Variants in PDE4C observed in about 807,000 individuals in gnomAD.
PDE4C encodes phosphodiesterase 4C, also known as 3',5'-cyclic-AMP phosphodiesterase 4C.
Under a neutral mutation model 63.9 loss-of-function variants are expected in PDE4C, and 50 were observed. That is an observed-to-expected ratio of 0.78 (90% confidence interval 0.62 to 0.99). The LOEUF (loss-of-function observed/expected upper bound fraction) is 0.99, where lower values mean the gene tolerates loss of function less well. PDE4C is among the 50% of genes least tolerant of loss of function. The pLI is 0.00. For missense variants in PDE4C, 777 were observed against 899.1 expected, an observed-to-expected ratio of 0.86 and a Z score of 1.74; for synonymous variants, 377 against 385.1, an observed-to-expected ratio of 0.98 and a Z score of 0.25.
Position 18,220,940 on chromosome 19 carries a change from T to A in PDE4C, c.450-17A>T. The A allele has an allele frequency of 6.3e-7, 1 of 1,596,326 alleles. No homozygotes were observed. Among genetic ancestry groups the A allele is most frequent in the Non-Finnish European group, 8.5e-7 (1 of 1,173,020 alleles). ...GGTCCCTGCCTGCGGTACAGCAGCCTCAGGCGTGGCTGCTCCGCCCATCTC... is the reference window on the plus strand; with the variant it reads ...GGTCCCTGCCTGCGGTACAGCAGCCACAGGCGTGGCTGCTCCGCCCATCTC... On this transcript the variant is annotated splice_polypyrimidine_tract_variant and intron_variant, in intron 4 of 14. Transcript: ENST00000262805. This position sits in a 1 kb window ranked among gnomAD's most constrained non-coding sequence, Gnocchi z 5.1.
intron 1 of PDE4C, among the ~76,000 whole-genome samples, chr19:18,240,736 T>A (rs1220346567): frequency 3.3e-5 from 5 of 151,144 alleles, no homozygotes; most frequent in South Asian, 2.1e-4. Context: ...CAAAAAAAAA[T>A]GGGGAAACTG....
At chr19:18,234,971 G>A (rs1468644738), upstream of PDE4C, among the ~76,000 whole-genome samples, 1 of 152,144 alleles carries the variant, frequency 6.6e-6, no homozygotes, top group Non-Finnish European at 1.5e-5. Flanking sequence ...ATGGTCACTG[G>A]CTGGCTCTGT....
At chr19:18,214,748 A>G (rs1363974853) in intron 12 of PDE4C, among the ~76,000 whole-genome samples, 2 of 152,084 alleles carry the variant, frequency 1.3e-5, no homozygotes, top group African/African-American at 4.8e-5. Context: ...CAGAAGTTCA[A>G]GACCAGCATG....
rs137904491 is a variant in PDE4C, at chr19:18,248,056, C to T, written c.-210+115G>A. 412 of 394,452 alleles carry T rather than the reference C, an allele frequency of 1.0e-3. 2 individuals carry two copies. Among genetic ancestry groups the T allele is most frequent in the African/African-American group, 7.8e-3 (379 of 48,336 alleles). The allele number at this position is 394,452 out of a possible 1,614,324, so 24.4% of individuals were successfully genotyped here. A position where few individuals can be genotyped will look rare whatever the true frequency, so the allele number is the denominator to read the frequency against. ...GACACATGGGAGACCCATTCAGCTC[C>T]CAGAGTGGCTCTGATGGTTTCAGGG... On this transcript the variant is annotated intron_variant, in intron 1 of 15. Coordinates refer to the PDE4C transcript ENST00000594617.
intron 12 of PDE4C, among the ~76,000 whole-genome samples, chr19:18,215,142 C>T (rs2148010092): frequency 6.6e-6 from 1 of 152,220 alleles, no homozygotes; most frequent in Middle Eastern, 3.4e-3. Flanking sequence ...CTCCACCTCA[C>T]CAAACGTTTA....
chr19:18,248,442 G>A (rs1428801151), upstream of PDE4C, among the ~76,000 whole-genome samples: 1 of 151,048 alleles, frequency 6.6e-6, no homozygotes, highest in African/African-American at 2.4e-5. Flanking sequence ...GGGGCGGGGA[G>A]GGCAGAGGAA....
chr19:18,218,152 T>A, exon 11 of PDE4C: 2 of 1,612,134 alleles, frequency 1.2e-6, no homozygotes, highest in Middle Eastern at 1.7e-4. Flanking sequence ...TACTTACTGG[T>A]GTTAATCAGA....
At position 18,218,389 on chromosome 19, in the gene PDE4C, T is replaced by C. The variant is rs1968301592; in HGVS notation, c.1079A>G (p.His360Arg). The C allele has an allele frequency of 4.3e-6, 7 of 1,614,138 alleles. No individual in the cohort carries two copies. In the South Asian group the frequency reaches 5.5e-5, roughly 13 times the overall value. The stretch of plus-strand genomic sequence containing the variant: ...CGTGGACTGGGCCACGTCGGCGGCA[T>C]GTAGGCTGTTGTGGTAGGCCACATT... The change falls in exon 10 of 15, where the codon CAT becomes CGT. Residue 360 changes from histidine (H) to arginine (R), a missense_variant. Physicochemically the swap from His to Arg is conservative, Grantham distance 29 (BLOSUM62 0). This residue lies in a region of PDE4C where 500 missense variants were observed against 597.8 expected (regional missense o/e 0.84). Coordinates refer to ENST00000262805, the Ensembl canonical transcript of PDE4C.
intron 1 of PDE4C, among the ~76,000 whole-genome samples, chr19:18,241,501 T>G (rs550809958): frequency 6.6e-6 from 1 of 152,138 alleles, no homozygotes; most frequent in South Asian, 2.1e-4. Flanking sequence ...TCTCCTGACC[T>G]CATGATCTGC....
chr19:18,211,157 C>A, exon 15 of PDE4C: 3 of 1,614,184 alleles, frequency 1.9e-6, no homozygotes, highest in Non-Finnish European at 2.5e-6. Context: ...TTCGGGGGAT[C>A]TTGCTCTGGT....
chr19:18,217,754 A>G (rs1037664465), intron 11 of PDE4C, among the ~76,000 whole-genome samples: 5 of 151,930 alleles, frequency 3.3e-5, no homozygotes, highest in Admixed American at 2.0e-4. Context: ...AAAATTAGCC[A>G]GGCATGGTAG....
At chr19:18,236,710 TG>T (rs1402111994), upstream of PDE4C, 1 of 152,258 alleles carries the variant, frequency 6.6e-6, no homozygotes. Flanking sequence ...CATGGCTGTG[TG>T]CCCACTGTGT....
chr19:18,250,390 G>C (rs75728713), upstream of PDE4C: 9,099 of 399,046 alleles, frequency 0.023, 710 homozygotes, highest in African/African-American at 0.16. Context: ...CAGACCCGAT[G>C]AGCAAAAGAG....
chr19:18,218,999 T>G, exon 9 of PDE4C: 2 of 1,613,658 alleles, frequency 1.2e-6, no homozygotes, highest in Non-Finnish European at 1.7e-6. Context: ...TCCGCCACCT[T>G]GAACACATCA....
chr19:18,252,052 C>CT, upstream of PDE4C: 1 of 398,810 alleles, frequency 2.5e-6, no homozygotes, highest in Non-Finnish European at 4.4e-6. Context: ...ACCCAAATCT[C>CT]TTAATACTCA....
intron 1 of PDE4C, among the ~76,000 whole-genome samples, chr19:18,225,942 G>A (rs1345955017): frequency 2.0e-5 from 3 of 152,230 alleles, no homozygotes; most frequent in Non-Finnish European, 4.4e-5. Flanking sequence ...AGGCCGGCGA[G>A]GGTCAGGAGG....
chr19:18,215,619 A>T (rs1267717783), intron 12 of PDE4C, among the ~76,000 whole-genome samples: 2 of 151,542 alleles, frequency 1.3e-5, no homozygotes, highest in African/African-American at 2.4e-5. Context: ...GGTTCAAATG[A>T]TTCTCCTGAC....
intron 14 of PDE4C, 136 bp from the exon 15 acceptor site, chr19:18,211,412 A>C: frequency 1.3e-6 from 1 of 761,168 alleles, no homozygotes; most frequent in Non-Finnish European, 2.1e-6. Context: ...ATCCTTCAAA[A>C]CCCTTTTCAA....
exon 1 of PDE4C, chr19:18,226,436 T>C (rs1014145492): frequency 6.5e-6 from 9 of 1,376,606 alleles, no homozygotes; most frequent in Non-Finnish European, 8.4e-6. Flanking sequence ...GCGTGGAGGC[T>C]GGACCGAGCG....
Sources: gnomAD v4.1 joint callset for allele counts (sites outside exome capture counted in the v4.1 genomes callset) on GRCh38, gnomAD v4.1.1 for gene constraint, gnomAD v4.1.1 regional missense constraint, Gnocchi (gnomAD v3.1) non-coding constraint, MANE v1.5 for transcripts, NCBI Gene and HGNC (gene_info 2026-07-23, HGNC 2026-07-21) for gene names.